Variants in SLC24A2 observed in about 807,000 individuals in gnomAD.
The protein encoded by SLC24A2 is sodium/potassium/calcium exchanger 2.
In SLC24A2, 36 loss-of-function variants were observed where a neutral mutation model predicts 62.0. The observed-to-expected ratio is 0.58, with a 90% CI of 0.44 to 0.77. SLC24A2 has a LOEUF of 0.77. SLC24A2 is among the 30% of genes least tolerant of loss of function. SLC24A2 has a pLI of 0.00. For missense variants in SLC24A2, 846 were observed against 817.9 expected (o/e 1.03, Z -0.42); for synonymous variants, 358 against 294.0 (o/e 1.22, Z -2.23).
chr9:19,990,523 A>G, the SLC24A2 span, among the ~76,000 whole-genome samples: 4 of 151,698 alleles, frequency 2.6e-5, no homozygotes, highest in Non-Finnish European at 5.9e-5. Context: ...AGGCAGGGGA[A>G]TCACTTGAAC....
the SLC24A2 span, among the ~76,000 whole-genome samples, chr9:19,834,048 AG>A: frequency 5.3e-3 from 807 of 152,328 alleles, 8 homozygotes; most frequent in Non-Finnish European, 8.3e-3. Context: ...ACAAACAGAA[AG>A]GACCTCCACC....
chr9:20,166,556 A>G, the SLC24A2 span, among the ~76,000 whole-genome samples: 1 of 152,156 alleles, frequency 6.6e-6, no homozygotes, highest in East Asian at 1.9e-4. Context: ...GTACAGGAGT[A>G]TATATGGTAT....
the SLC24A2 span, among the ~76,000 whole-genome samples, chr9:20,259,838 T>TA: frequency 6.6e-6 from 1 of 152,162 alleles, no homozygotes; most frequent in African/African-American, 2.4e-5. Context: ...CCTATAACCC[T>TA]AGCACTTTGG....
the SLC24A2 span, among the ~76,000 whole-genome samples, chr9:19,978,676 G>A: frequency 7.2e-5 from 11 of 152,098 alleles, no homozygotes; most frequent in South Asian, 2.3e-3. Context: ...ACTGAAGGAG[G>A]CAGATATCCA....
the SLC24A2 span, among the ~76,000 whole-genome samples, chr9:20,250,059 CCAAGT>C: frequency 6.6e-6 from 1 of 152,196 alleles, no homozygotes; most frequent in African/African-American, 2.4e-5. Flanking sequence ...GGATTTTAAA[CCAAGT>C]CAATACATGA....
intron 2 of SLC24A2, among the ~76,000 whole-genome samples, chr9:19,772,289 C>T (rs368299224): frequency 2.8e-4 from 42 of 152,214 alleles, no homozygotes; most frequent in African/African-American, 9.6e-4. Flanking sequence ...TTTCCAAGGA[C>T]GAGCTCAAAG....
chr9:19,603,076 C>G (rs1411194039), intron 4 of SLC24A2, among the ~76,000 whole-genome samples: 1 of 151,850 alleles, frequency 6.6e-6, no homozygotes, highest in Non-Finnish European at 1.5e-5. Context: ...ATATCTGAAA[C>G]CATCCATGCA....
the SLC24A2 span, among the ~76,000 whole-genome samples, chr9:20,290,809 G>A: frequency 6.6e-6 from 1 of 152,228 alleles, no homozygotes; most frequent in African/African-American, 2.4e-5. Context: ...TGGAAGTGGG[G>A]TTCTTCTGGG....
rs532402202 is a variant in SLC24A2 at position 19,559,664 on chromosome 9, C to A, written c.1348-9396G>T. On this transcript the variant is annotated intron_variant, in intron 7 of 10. Coordinates refer to ENST00000341998, the MANE Select transcript of SLC24A2 (RefSeq NM_020344.4). ...ACAACTATTTGCCAAATGAAAGGTG[C>A]CCCCCCAGAAACATTCCATAGAACA... Among the ~76,000 whole-genome samples, 352 of 152,044 alleles carry A rather than the reference C, an allele frequency of 2.3e-3. 3 individuals carry two copies. The highest frequency in any genetic ancestry group is 7.7e-3 in the African/African-American group (319 of 41,438).
chr9:19,626,254 C>A (rs1228178929), intron 2 of SLC24A2, among the ~76,000 whole-genome samples: 1 of 152,194 alleles, frequency 6.6e-6, no homozygotes, highest in Non-Finnish European at 1.5e-5. Flanking sequence ...ACCTCACACA[C>A]ATAAAAATTA....
chr9:20,002,883 C>G, the SLC24A2 span, among the ~76,000 whole-genome samples: 70 of 152,312 alleles, frequency 4.6e-4, 1 homozygote, highest in South Asian at 0.014. Flanking sequence ...CACACACATC[C>G]TCCACCTACC....
At chr9:19,588,000 A>T (rs1321033593) in intron 5 of SLC24A2, among the ~76,000 whole-genome samples, 2 of 152,168 alleles carry the variant, frequency 1.3e-5, no homozygotes. Context: ...TTACCCACAT[A>T]GCTGGTTTGG....
chr9:19,524,418 CAAA>C (rs34416897), intron 9 of SLC24A2, among the ~76,000 whole-genome samples: 18 of 119,042 alleles, frequency 1.5e-4, no homozygotes, highest in East Asian at 2.3e-4. Context: ...AAGATAAAGG[CAAA>C]AAAAAAAAAA....
rs545428245 is a variant in SLC24A2 at position 19,763,364 on chromosome 9, G to A, written c.930+22573C>T. On this transcript the variant is annotated intron_variant, in intron 2 of 10. Transcript: ENST00000341998. ...ACTTCCAATACTATGTTGAATAGCAGTGGTGAGAGAGGGCATCGTTGTCTT... is the reference window on the plus strand; with the variant it reads ...ACTTCCAATACTATGTTGAATAGCAATGGTGAGAGAGGGCATCGTTGTCTT... Among the ~76,000 whole-genome samples, 8 of 152,322 alleles carry A rather than the reference G, an allele frequency of 5.3e-5. No individual in the cohort carries two copies. In the South Asian group the frequency reaches 8.3e-4, roughly 16 times the overall value.
the SLC24A2 span, among the ~76,000 whole-genome samples, chr9:20,111,778 T>C: frequency 6.6e-6 from 1 of 152,178 alleles, no homozygotes; most frequent in Admixed American, 6.6e-5. Flanking sequence ...ATTAAGAGAC[T>C]ATTATCTGGT....
intron 2 of SLC24A2, among the ~76,000 whole-genome samples, chr9:19,633,694 T>G (rs895007560): frequency 1.3e-5 from 2 of 152,244 alleles, no homozygotes; most frequent in African/African-American, 4.8e-5. Flanking sequence ...TAATGGCTTA[T>G]GATGTTGAAC....
At position 19,507,952 on chromosome 9, in the gene SLC24A2, T is replaced by C. The variant is rs767728225; in HGVS notation, c.*8201A>G. 8 of 152,262 alleles carry C rather than the reference T, an allele frequency of 5.3e-5. No individual in the cohort carries two copies. Among genetic ancestry groups the C allele is most frequent in the African/African-American group, 1.7e-4 (7 of 41,472 alleles). 9.4% of individuals were successfully genotyped at this position (152,262 alleles called of 1,614,324 possible). A position where few individuals can be genotyped will look rare whatever the true frequency, so the allele number is the denominator to read the frequency against. ...TGTCTAAAAGACAGTTTATATGTTA[T>C]AGAGCAAATGTCTATGTTGGCGTCA... On this transcript the variant is annotated 3_prime_UTR_variant, in exon 11 of 11. Transcript: ENST00000341998.
At chr9:20,298,888 T>G in the SLC24A2 span, among the ~76,000 whole-genome samples, 21 of 152,216 alleles carry the variant, frequency 1.4e-4, no homozygotes, top group African/African-American at 5.1e-4. Context: ...ACTCAGCTAG[T>G]TGGGGCAGAC....
the SLC24A2 span, among the ~76,000 whole-genome samples, chr9:20,248,697 G>A: frequency 9.9e-5 from 15 of 152,242 alleles, no homozygotes; most frequent in Non-Finnish European, 1.6e-4. Flanking sequence ...TCTACACCGA[G>A]CATTTCTCCA....
Sources: allele counts gnomAD v4.1 joint callset (sites outside exome capture counted in the v4.1 genomes callset), GRCh38; gene constraint gnomAD v4.1.1; transcripts MANE v1.5; gene names NCBI Gene and HGNC (gene_info 2026-07-23, HGNC 2026-07-21).